The following PDCD11 variants were observed in gnomAD, a reference collection of about 807,000 sequenced individuals.
PDCD11 encodes the protein protein RRP5 homolog.
Under a neutral mutation model 198.9 loss-of-function variants are expected in PDCD11, and 97 were observed. That is an observed-to-expected ratio of 0.49 (90% confidence interval 0.41 to 0.58). PDCD11 has a LOEUF of 0.58. PDCD11 is among the 20% of genes least tolerant of loss of function. The pLI, the probability that PDCD11 is intolerant of heterozygous loss-of-function variation, is 0.00. For synonymous variants in PDCD11, 893 were observed against 918.0 expected (o/e 0.97, Z 0.49); for missense variants, 2,102 against 2,312.7 (o/e 0.91, Z 1.87).
rs1043459662 is a variant in PDCD11 at position 103,400,397 on chromosome 10, A to G, written c.103A>G (p.Ile35Val). 3.1e-6 allele frequency: 5 copies of G among 1,609,712 alleles called. No homozygotes were observed. In the Admixed American group the frequency reaches 6.8e-5, roughly 22 times the overall value. The part of the protein sequence containing the change: ...QSVEQDNLFD[I>V]STEEGSTKRK... Reference sequence around the variant, plus strand: ...GTGGGCTCCCCCTACCCGCTTCTAGATTTCTACTGAAGAGGGATCCACCAA... The same window carrying G: ...GTGGGCTCCCCCTACCCGCTTCTAGGTTTCTACTGAAGAGGGATCCACCAA... Residue 35 changes from isoleucine to valine, a missense_variant and splice_region_variant, in exon 3 of 36, where the codon ATT becomes GTT. Ile to Val is a conservative substitution (Grantham distance 29, BLOSUM62 3). Transcript: ENST00000369797.
At chr10:103,430,958 C>T (rs1041024680) in intron 21 of PDCD11, among the ~76,000 whole-genome samples, 22 of 152,024 alleles carry the variant, frequency 1.4e-4, no homozygotes, top group African/African-American at 4.1e-4. Context: ...ACGACCACGC[C>T]CAGCTAATTT....
intron 3 of PDCD11, among the ~76,000 whole-genome samples, chr10:103,400,734 T>G (rs889015926): frequency 3.9e-5 from 6 of 152,088 alleles, no homozygotes; most frequent in Admixed American, 2.6e-4. Flanking sequence ...ATGCCAGGAA[T>G]CTTTTCTTTT....
intron 11 of PDCD11, among the ~76,000 whole-genome samples, chr10:103,414,788 G>A (rs974280642): frequency 2.0e-5 from 3 of 152,164 alleles, no homozygotes; most frequent in Non-Finnish European, 2.9e-5. Context: ...GAAAGCACAT[G>A]CTCACACAGA....
Position 103,443,997 on chromosome 10 carries a change from T to C in PDCD11, c.5207T>C (p.Leu1736Pro). Residue 1736 changes from leucine to proline, a missense_variant, in exon 34 of 36, where the codon CTG becomes CCG. Transcript: ENST00000369797. The stretch of plus-strand genomic sequence containing the variant: ...TGGATCAAATACGGCGCCTTCCTTC[T>C]GCGGAGGAGCCAGGCTGCAGCCAGT... ...AVWIKYGAFL[L>P]RRSQAAASHR... 6.2e-7 allele frequency: 1 copy of C among 1,613,594 alleles called. No individual in the cohort carries two copies. Among genetic ancestry groups the C allele is most frequent in the Non-Finnish European group, 8.5e-7 (1 of 1,179,988 alleles).
intron 16 of PDCD11, among the ~76,000 whole-genome samples, chr10:103,420,944 C>T (rs1250589103): frequency 1.9e-4 from 29 of 151,628 alleles, no homozygotes; most frequent in African/African-American, 6.5e-4. Flanking sequence ...GGCGCAATCT[C>T]GGCTTACAGC....
At position 103,416,582 on chromosome 10, in the gene PDCD11, C is replaced by A. The variant is rs1266460199; in HGVS notation, c.1610C>A (p.Ala537Asp). The change falls in exon 13 of 36, where the codon GCC becomes GAC. Residue 537 changes from alanine to aspartate, a missense_variant. Physicochemically the swap from Ala to Asp is moderately radical, Grantham distance 126. Coordinates refer to ENST00000369797, the MANE Select transcript of PDCD11 (RefSeq NM_014976.2). ...AAACTACCTGTCATTACCTGCTATG[C>A]CGATGCCAAGCCTGGTCTGCAGACA... Reference protein sequence around the residue: ...ESKLPVITCYADAKPGLQTHG... With the variant: ...ESKLPVITCYDDAKPGLQTHG... The A allele has an allele frequency of 1.2e-6, 2 of 1,614,106 alleles. No individual in the cohort carries two copies. Among genetic ancestry groups the A allele is most frequent in the South Asian group, 2.2e-5 (2 of 91,090 alleles).
intron 21 of PDCD11, among the ~76,000 whole-genome samples, chr10:103,430,772 T>C (rs2031898374): frequency 6.6e-6 from 1 of 152,140 alleles, no homozygotes. Flanking sequence ...ATATCTTCTT[T>C]GGAGAAATGT....
At chr10:103,433,528 TA>T (rs2032023666) in intron 22 of PDCD11, among the ~76,000 whole-genome samples, 1 of 152,088 alleles carries the variant, frequency 6.6e-6, no homozygotes, top group Non-Finnish European at 1.5e-5. Context: ...AGTGCATATT[TA>T]GGGCAAGACA....
At chr10:103,430,289 G>A (rs2031873292) in intron 21 of PDCD11, among the ~76,000 whole-genome samples, 1 of 152,152 alleles carries the variant, frequency 6.6e-6, no homozygotes, top group African/African-American at 2.4e-5. Context: ...CACTGTGTCT[G>A]GCATATCCAG....
intron 1 of PDCD11, among the ~76,000 whole-genome samples, chr10:103,397,973 T>C (rs1308366388): frequency 1.3e-5 from 2 of 152,254 alleles, no homozygotes; most frequent in African/African-American, 4.8e-5. Flanking sequence ...CTTGCCTCCT[T>C]TACTTATCCC....
chr10:103,418,332 A>C, intron 14 of PDCD11, 108 bp from the exon 15 acceptor site: 85 of 849,488 alleles, frequency 1.0e-4, no homozygotes, highest in Non-Finnish European at 1.4e-4. Context: ...GCTGCCTCTT[A>C]GAGATCCTTG....
chr10:103,408,688 C>T (rs1229962744), intron 7 of PDCD11, among the ~76,000 whole-genome samples: 2 of 151,938 alleles, frequency 1.3e-5, no homozygotes, highest in African/African-American at 2.4e-5. Flanking sequence ...CTACAGGCAC[C>T]CACCACCACA....
At chr10:103,431,217 C>A (rs2031920407) in intron 21 of PDCD11, among the ~76,000 whole-genome samples, 1 of 152,122 alleles carries the variant, frequency 6.6e-6, no homozygotes, top group Non-Finnish European at 1.5e-5. Context: ...GTAGGGGTGG[C>A]AGTTTTGTGA....
rs563980820 is a variant in PDCD11, at chr10:103,414,310, G to A, written c.1351G>A (p.Glu451Lys). The change falls in exon 11 of 36, where the codon GAA (glutamate) becomes AAA (lysine). Residue 451 changes from glutamate (E) to lysine (K), a missense_variant. Coordinates refer to ENST00000369797, the MANE Select transcript of PDCD11 (RefSeq NM_014976.2). ...TCAGTACCTTAGATATCATGACATC[G>A]AACCTGGGGCAGTGGTAAAGGTAAG... ...EAQYLRYHDI[E>K]PGAVVKGTVL... is the part of the protein sequence containing the mutation. The A allele has an allele frequency of 1.2e-6, 2 of 1,613,342 alleles. No individual in the cohort carries two copies. Among genetic ancestry groups the A allele is most frequent in the African/African-American group, 1.3e-5 (1 of 74,970 alleles).
chr10:103,442,355 A>T lies in PDCD11; in HGVS notation c.4850A>T (p.Asn1617Ile). 4 of 1,614,190 alleles carry T rather than the reference A, an allele frequency of 2.5e-6. No homozygotes were observed. The South Asian group carries it at 3.3e-5, about 13-fold the overall frequency. ...GACCGACTGGTGCTGAGCTCCCCCA[A>T]CAGCTCCATTCTGTGGCTGCAGTAC... ...DFDRLVLSSP[N>I]SSILWLQYMA... The change falls in exon 32 of 36, where the codon AAC becomes ATC. Residue 1617 changes from asparagine (N) to isoleucine (I), a missense_variant. By Grantham distance (149) the Asn-to-Ile change is moderately radical (BLOSUM62 -3). Transcript: ENST00000369797.
chr10:103,419,501 G>C, intron 15 of PDCD11, 37 bp from the exon 16 acceptor site: 9 of 1,593,140 alleles, frequency 5.6e-6, no homozygotes, highest in Non-Finnish European at 7.7e-6. Context: ...CATTTCATCT[G>C]CCCTTTCTGG....
At chr10:103,434,679 C>A in intron 24 of PDCD11, 119 bp from the exon 25 acceptor site, 1 of 763,456 alleles carries the variant, frequency 1.3e-6, no homozygotes, top group Non-Finnish European at 2.1e-6. Flanking sequence ...CTGGATCACT[C>A]AGCCCAGATA....
At chr10:103,402,628 G>A (rs1383102027) in intron 3 of PDCD11, among the ~76,000 whole-genome samples, 1 of 151,950 alleles carries the variant, frequency 6.6e-6, no homozygotes, top group African/African-American at 2.4e-5. Flanking sequence ...TAGTAGAGAC[G>A]GGGTTTTGCC....
chr10:103,405,954 G>A, intron 5 of PDCD11, 31 bp from the exon 6 acceptor site: 2 of 1,609,820 alleles, frequency 1.2e-6, no homozygotes, highest in Admixed American at 1.7e-5. Context: ...CCTTTGAATT[G>A]GAACTTCTGG....
Sources: allele counts gnomAD v4.1 joint callset (sites outside exome capture counted in the v4.1 genomes callset), GRCh38; gene constraint gnomAD v4.1.1; transcripts MANE v1.5; gene names NCBI Gene and HGNC (gene_info 2026-07-23, HGNC 2026-07-21).